Variants in FCHSD2 observed in about 807,000 individuals in gnomAD.
The protein encoded by FCHSD2 is F-BAR and double SH3 domains protein 2.
A neutral mutation model predicts 108.1 loss-of-function variants in FCHSD2; 38 were observed. The ratio of observed to expected loss-of-function variants is 0.35; its 90% CI spans 0.27 to 0.46. The LOEUF (loss-of-function observed/expected upper bound fraction) is 0.46, where lower values mean the gene tolerates loss of function less well. Ranked by LOEUF, FCHSD2 falls within the 20% of genes least tolerant of loss-of-function variation. FCHSD2 has a pLI of 1.00. For missense variants in FCHSD2, 751 were observed against 897.8 expected, an observed-to-expected ratio of 0.84 and a Z score of 2.09; for synonymous variants, 279 against 314.7, an observed-to-expected ratio of 0.89 and a Z score of 1.20.
chr11:72,883,853 GC>G (rs200107454), intron 12 of FCHSD2, among the ~76,000 whole-genome samples: 23 of 151,550 alleles, frequency 1.5e-4, no homozygotes, highest in African/African-American at 5.6e-4. Context: ...AATCGCTTGA[GC>G]CCAGGAGGTT....
intron 2 of FCHSD2, among the ~76,000 whole-genome samples, chr11:73,090,036 T>C (rs1859915917): frequency 6.6e-6 from 1 of 152,054 alleles, no homozygotes; most frequent in Admixed American, 6.5e-5. Flanking sequence ...TATACCTAAA[T>C]ATATCTACAA....
intron 3 of FCHSD2, among the ~76,000 whole-genome samples, chr11:73,083,413 G>C (rs1018446738): frequency 1.3e-5 from 2 of 152,188 alleles, no homozygotes; most frequent in East Asian, 3.9e-4. Flanking sequence ...GCTGGGTGTG[G>C]TGGCACACAC....
At chr11:72,922,507 C>T (rs1565324399) in intron 8 of FCHSD2, among the ~76,000 whole-genome samples, 1 of 151,828 alleles carries the variant, frequency 6.6e-6, no homozygotes, top group Non-Finnish European at 1.5e-5. Context: ...ATTCTTATTT[C>T]CTTAAACATT....
intron 13 of FCHSD2, among the ~76,000 whole-genome samples, chr11:72,850,960 A>C (rs1861270828): frequency 6.6e-6 from 1 of 151,906 alleles, no homozygotes; most frequent in South Asian, 2.1e-4. Context: ...ATAGCCAGGC[A>C]TGGTGGTGCA....
chr11:72,931,000 G>A (rs1254770584), intron 8 of FCHSD2, among the ~76,000 whole-genome samples: 1 of 151,620 alleles, frequency 6.6e-6, no homozygotes, highest in Non-Finnish European at 1.5e-5. Context: ...TCCCCATGAT[G>A]TGCTTATTTC....
At chr11:72,941,748 AT>A (rs1856423412) in intron 8 of FCHSD2, among the ~76,000 whole-genome samples, 4 of 152,206 alleles carry the variant, frequency 2.6e-5, no homozygotes, top group Non-Finnish European at 5.9e-5. Flanking sequence ...TTTCAGAAGT[AT>A]ATACTGATAT....
intron 3 of FCHSD2, among the ~76,000 whole-genome samples, chr11:73,061,585 C>T (rs1859166085): frequency 6.6e-6 from 1 of 152,214 alleles, no homozygotes; most frequent in South Asian, 2.1e-4. Context: ...GCCAGCACAG[C>T]AGCAGTCTGA....
chr11:73,004,846 A>C (rs1857706863), intron 4 of FCHSD2, among the ~76,000 whole-genome samples: 1 of 152,080 alleles, frequency 6.6e-6, no homozygotes, highest in South Asian at 2.1e-4. Flanking sequence ...ACCCTTCTAC[A>C]CAATTATTTC....
intron 8 of FCHSD2, among the ~76,000 whole-genome samples, chr11:72,970,673 T>C (rs1250489669): frequency 1.3e-5 from 2 of 152,218 alleles, no homozygotes; most frequent in Admixed American, 6.5e-5. Flanking sequence ...CACTGTCTGC[T>C]GCCACAGCCT....
chr11:73,002,365 C>T (rs1482067598), intron 4 of FCHSD2, among the ~76,000 whole-genome samples: 1 of 152,138 alleles, frequency 6.6e-6, no homozygotes, highest in Non-Finnish European at 1.5e-5. Flanking sequence ...CAATGTGTTG[C>T]ACCAGCAAAA....
At chr11:72,868,504 T>C (rs909647147) in intron 12 of FCHSD2, among the ~76,000 whole-genome samples, 1 of 152,028 alleles carries the variant, frequency 6.6e-6, no homozygotes, top group Non-Finnish European at 1.5e-5. Flanking sequence ...CCGCACATCC[T>C]GCACACGTAT....
At chr11:73,115,658 T>C (rs533162646) in intron 2 of FCHSD2, among the ~76,000 whole-genome samples, 2 of 152,266 alleles carry the variant, frequency 1.3e-5, no homozygotes, top group Admixed American at 6.5e-5. Flanking sequence ...TTTTAAGAAA[T>C]TGGTTCATGC....
At chr11:73,123,111 G>A (rs1015781121) in intron 2 of FCHSD2, among the ~76,000 whole-genome samples, 1 of 152,048 alleles carries the variant, frequency 6.6e-6, no homozygotes, top group African/African-American at 2.4e-5. Flanking sequence ...ATTAAAGAAG[G>A]GAGAAAAACA....
intron 3 of FCHSD2, among the ~76,000 whole-genome samples, chr11:73,079,794 G>A (rs1462264300): frequency 6.6e-6 from 1 of 152,058 alleles, no homozygotes; most frequent in Non-Finnish European, 1.5e-5. Context: ...GGGCAAATGT[G>A]ATAAGTAACA....
At position 73,050,723 on chromosome 11, in the gene FCHSD2, G is replaced by A. The variant is rs756894262; in HGVS notation, c.165+32972C>T. 3.4e-4 allele frequency among the ~76,000 whole-genome samples: 51 copies of A among 152,132 alleles called. 1 individual carries two copies. The highest frequency in any genetic ancestry group is 5.9e-5 in the Non-Finnish European group (4 of 68,026). ...TAAAGTCCCTTTATATTGGTTGAAC[G>A]TTATGTCTCCATTCACTAACATGAG... On this transcript the variant is annotated intron_variant, in intron 3 of 19. Coordinates refer to ENST00000409418, the MANE Select transcript of FCHSD2 (RefSeq NM_014824.3).
At chr11:72,912,976 C>T (rs1855793527) in intron 9 of FCHSD2, among the ~76,000 whole-genome samples, 1 of 152,104 alleles carries the variant, frequency 6.6e-6, no homozygotes, top group Non-Finnish European at 1.5e-5. Context: ...GCTGGGGAGG[C>T]TTCCGGACAC....
At chr11:73,089,783 T>C (rs916410877) in intron 2 of FCHSD2, among the ~76,000 whole-genome samples, 5 of 152,004 alleles carry the variant, frequency 3.3e-5, no homozygotes, top group African/African-American at 7.3e-5. Context: ...GCCTGGGAGA[T>C]TGAGAAAAAC....
Position 72,843,160 on chromosome 11 carries a change from C to G in FCHSD2, c.1696G>C (p.Asp566His). Residue 566 changes from aspartate (D) to histidine (H), a missense_variant, in exon 16 of 20, where the codon GAT becomes CAT. By Grantham distance (81) the Asp-to-His change is moderately conservative. Coordinates refer to ENST00000409418, the MANE Select transcript of FCHSD2 (RefSeq NM_014824.3). ...AELVSGSLNG[D>H]ASVCFVKALY... ...TTGTTTCAGTCTTTACCACTGGCAT[C>G]TCCGTTGAGGCTGCCTGAAACGAGT... 1 of 1,613,990 alleles carries G rather than the reference C, an allele frequency of 6.2e-7. No homozygotes were observed. The highest frequency in any genetic ancestry group is 8.5e-7 in the Non-Finnish European group (1 of 1,179,876).
At chr11:72,890,087 T>G in intron 10 of FCHSD2, 142 bp from the exon 11 acceptor site, 1 of 596,900 alleles carries the variant, frequency 1.7e-6, no homozygotes, top group Non-Finnish European at 3.0e-6. Context: ...AGCAATGTCT[T>G]AACGTCACAG....
Sources: gnomAD v4.1 joint callset for allele counts (sites outside exome capture counted in the v4.1 genomes callset) on GRCh38, gnomAD v4.1.1 for gene constraint, MANE v1.5 for transcripts, NCBI Gene and HGNC (gene_info 2026-07-23, HGNC 2026-07-21) for gene names.